The following PIGH variants were observed in gnomAD, a reference collection of about 807,000 sequenced individuals.
PIGH encodes the protein phosphatidylinositol glycan anchor biosynthesis class H, also known as phosphatidylinositol N-acetylglucosaminyltransferase subunit H.
Under a neutral mutation model 20.1 loss-of-function variants are expected in PIGH, and 11 were observed. That is an observed-to-expected ratio of 0.55 (90% CI 0.34 to 0.91). PIGH has a LOEUF of 0.91. Ranked by LOEUF, PIGH falls within the 40% of genes least tolerant of loss-of-function variation. The pLI is 0.02. For missense variants in PIGH, 189 were observed against 233.6 expected, an observed-to-expected ratio of 0.81 and a Z score of 1.24; for synonymous variants, 72 against 93.1, an observed-to-expected ratio of 0.77 and a Z score of 1.31.
In PIGH at chr14:67,589,590, A is replaced by G; in HGVS notation, c.*490T>C. On this transcript the variant is annotated 3_prime_UTR_variant, in exon 4 of 4. Transcript: ENST00000216452. ...AACAGTAAATAAATAAGCCCTGTAC[A>G]GAACACAGGCACTAGGTTGACAGAC... The G allele has an allele frequency of 1.0e-6, 1 of 985,884 alleles. No homozygotes were observed. The highest frequency in any genetic ancestry group is 1.2e-6 in the Non-Finnish European group (1 of 830,138). The allele number at this position is 985,884 out of a possible 1,614,324, so 61.1% of individuals were successfully genotyped here. A position where few individuals can be genotyped will look rare whatever the true frequency, so the allele number is the denominator to read the frequency against.
In PIGH at chr14:67,589,510, A is replaced by G; in HGVS notation, c.*570T>C. On this transcript the variant is annotated 3_prime_UTR_variant, in exon 4 of 4. Transcript: ENST00000216452. Reference sequence around the variant, plus strand: ...AAATACTATGATCTTGTTTGTCAATAAAAAGCAGCTATCTGTGAACCAGGT... The same window carrying G: ...AAATACTATGATCTTGTTTGTCAATGAAAAGCAGCTATCTGTGAACCAGGT... The G allele has an allele frequency of 1.0e-6, 1 of 985,236 alleles. No homozygotes were observed. The highest frequency in any genetic ancestry group is 1.2e-6 in the Non-Finnish European group (1 of 829,740). 61.0% of individuals were successfully genotyped at this position (985,236 alleles called of 1,614,324 possible).
chr14:67,590,213 T>C (rs1281977592), intron 3 of PIGH, 41 bp from the exon 4 acceptor site: 2 of 1,507,170 alleles, frequency 1.3e-6, no homozygotes, highest in South Asian at 1.2e-5. Context: ...AAGGTGAGAA[T>C]ATAAGGGAGT....
At chr14:67,598,285 G>C (rs774836150) in intron 1 of PIGH, among the ~76,000 whole-genome samples, 19 of 152,146 alleles carry the variant, frequency 1.2e-4, no homozygotes, top group East Asian at 3.9e-4. Flanking sequence ...GTACTTGATG[G>C]GGGTAAGCAG....
At chr14:67,590,702 G>A (rs1158503186) in intron 3 of PIGH, among the ~76,000 whole-genome samples, 1 of 152,192 alleles carries the variant, frequency 6.6e-6, no homozygotes, top group Non-Finnish European at 1.5e-5. Context: ...GGGTATAAAT[G>A]ACACAGCAGT....
chr14:67,595,017 G>C (rs2036445508), intron 1 of PIGH, among the ~76,000 whole-genome samples: 1 of 151,930 alleles, frequency 6.6e-6, no homozygotes, highest in Non-Finnish European at 1.5e-5. Context: ...GGCACCTGTA[G>C]TCCCAGCTAC....
intron 2 of PIGH, 100 bp downstream of exon 2, chr14:67,593,643 T>C (rs904147934): frequency 1.5e-6 from 1 of 674,340 alleles, no homozygotes; most frequent in East Asian, 2.7e-5. Flanking sequence ...CTTTTAAATA[T>C]AAGTCTCACT....
At chr14:67,599,934 C>T in intron 1 of PIGH, 90 bp downstream of exon 1, 1 of 1,123,010 alleles carries the variant, frequency 8.9e-7, no homozygotes, top group South Asian at 1.6e-5. Context: ...AGGGGCCGAC[C>T]AGAGGTCCGG....
At chr14:67,599,042 T>G (rs1275140269) in intron 1 of PIGH, among the ~76,000 whole-genome samples, 2 of 152,240 alleles carry the variant, frequency 1.3e-5, no homozygotes, top group East Asian at 1.9e-4. Flanking sequence ...AGTTAGATAG[T>G]TTCCTGCAAT....
intron 1 of PIGH, among the ~76,000 whole-genome samples, 181 bp downstream of exon 1, chr14:67,599,843 C>A (rs1475237713): frequency 6.6e-6 from 1 of 152,188 alleles, no homozygotes; most frequent in Admixed American, 6.5e-5. Flanking sequence ...TTTCACTAAA[C>A]GTCATTTAAA....
At chr14:67,595,793 A>T (rs985084853) in intron 1 of PIGH, among the ~76,000 whole-genome samples, 2 of 152,184 alleles carry the variant, frequency 1.3e-5, no homozygotes, top group Non-Finnish European at 1.5e-5. Context: ...CACTTGGAGG[A>T]CCAGGTGGAG....
intron 1 of PIGH, among the ~76,000 whole-genome samples, 175 bp from the exon 2 acceptor site, chr14:67,594,127 C>A (rs562243226): frequency 6.6e-6 from 1 of 152,278 alleles, no homozygotes; most frequent in Non-Finnish European, 1.5e-5. Context: ...CTAGGGGAAA[C>A]CTCCATCAGC....
intron 1 of PIGH, among the ~76,000 whole-genome samples, chr14:67,598,119 TTGAA>T (rs2140644771): frequency 6.6e-6 from 1 of 152,346 alleles, no homozygotes; most frequent in Non-Finnish European, 1.5e-5. Context: ...AGCTGTATGT[TTGAA>T]TGAATTCCTT....
chr14:67,593,801 G>A lies in PIGH; in HGVS notation c.332C>T (p.Thr111Ile). The change falls in exon 2 of 4, where the codon ACT becomes ATT. Residue 111 changes from threonine (T) to isoleucine (I), a missense_variant. Transcript: ENST00000216452. ...TSSYASGKES[T>I]TFIEMGKVKD... ...GACCTTGCCCATTTCTATGAAGGTA[G>A]TGCTTTCTTTGCCTGAAGCATAAGA... 2 of 1,613,650 alleles carry A rather than the reference G, an allele frequency of 1.2e-6. No homozygotes were observed.
At chr14:67,596,432 C>T (rs1258955057) in intron 1 of PIGH, among the ~76,000 whole-genome samples, 1 of 151,432 alleles carries the variant, frequency 6.6e-6, no homozygotes, top group Non-Finnish European at 1.5e-5. Flanking sequence ...TGAGCCACCG[C>T]ACCCGGCAAA....
At chr14:67,591,106 AATAC>A (rs1170799056) in intron 3 of PIGH, among the ~76,000 whole-genome samples, 2 of 152,170 alleles carry the variant, frequency 1.3e-5, no homozygotes, top group Non-Finnish European at 2.9e-5. Context: ...AATAGATACA[AATAC>A]ATAATATTCA....
At chr14:67,594,021 G>T in intron 1 of PIGH, 69 bp from the exon 2 acceptor site, 1 of 984,632 alleles carries the variant, frequency 1.0e-6, no homozygotes, top group Non-Finnish European at 1.6e-6. Flanking sequence ...GCAATGAGGG[G>T]AACATGCATG....
intron 1 of PIGH, among the ~76,000 whole-genome samples, chr14:67,598,829 C>T (rs2036521107): frequency 6.6e-6 from 1 of 151,862 alleles, no homozygotes; most frequent in Non-Finnish European, 1.5e-5. Context: ...CCCGCCTGAG[C>T]CTTCCGAGTG....
At chr14:67,592,948 G>C (rs967352160) in intron 2 of PIGH, among the ~76,000 whole-genome samples, 12 of 152,076 alleles carry the variant, frequency 7.9e-5, no homozygotes, top group Non-Finnish European at 1.8e-4. Context: ...ACCATGCCCG[G>C]CTAATTTTTT....
At chr14:67,597,640 AG>A (rs1319954707) in intron 1 of PIGH, among the ~76,000 whole-genome samples, 1 of 152,222 alleles carries the variant, frequency 6.6e-6, no homozygotes, top group Non-Finnish European at 1.5e-5. Flanking sequence ...AGCATTAAGA[AG>A]AATGGAGAGG....
Sources: gnomAD v4.1 joint callset for allele counts (sites outside exome capture counted in the v4.1 genomes callset) on GRCh38, gnomAD v4.1.1 for gene constraint, MANE v1.5 for transcripts, NCBI Gene and HGNC (gene_info 2026-07-23, HGNC 2026-07-21) for gene names.